Variants in EPB41 observed in about 807,000 individuals in gnomAD.
EPB41 encodes erythrocyte membrane protein band 4.1, also known as protein 4.1.
In EPB41, 65 loss-of-function variants were observed where a neutral mutation model predicts 108.0. That is an observed-to-expected ratio of 0.60 (90% CI 0.49 to 0.74). EPB41 has a LOEUF of 0.74. Ranked by LOEUF, EPB41 falls within the 30% of genes least tolerant of loss-of-function variation. EPB41 has a pLI of 0.00. For missense variants in EPB41, 875 were observed against 1,037.0 expected (o/e 0.84, Z 2.15); for synonymous variants, 336 against 358.9 (o/e 0.94, Z 0.72).
intron 7 of EPB41, among the ~76,000 whole-genome samples, chr1:29,022,073 A>T (rs1304401548): frequency 6.6e-6 from 1 of 152,174 alleles, no homozygotes; most frequent in Middle Eastern, 3.2e-3. Flanking sequence ...GAAAACTTTT[A>T]TATATCCCCA....
chr1:29,019,945 C>CT (rs1302342211), intron 7 of EPB41, among the ~76,000 whole-genome samples: 1 of 152,176 alleles, frequency 6.6e-6, no homozygotes, highest in African/African-American at 2.4e-5. Context: ...TGCACGTTTG[C>CT]TTTTTAAGTT....
intron 1 of EPB41, among the ~76,000 whole-genome samples, chr1:28,907,416 T>C (rs412698): frequency 0.18 from 27,453 of 151,692 alleles, 2,989 homozygotes; most frequent in East Asian, 0.47. Context: ...CAGGCTGGTC[T>C]CAAACTCCTG....
At chr1:29,037,854 G>A (rs754578635) in intron 10 of EPB41, among the ~76,000 whole-genome samples, 2 of 146,324 alleles carry the variant, frequency 1.4e-5, no homozygotes, top group Admixed American at 1.4e-4. Flanking sequence ...TTTTAAGAAC[G>A]TTTCTTTATT....
intron 7 of EPB41, among the ~76,000 whole-genome samples, chr1:29,019,912 G>T (rs1336736084): frequency 2.6e-5 from 4 of 152,022 alleles, no homozygotes; most frequent in Admixed American, 2.6e-4. Flanking sequence ...CTCTCTTGGG[G>T]TCACACTATT....
rs2089567404 is a variant in EPB41 at position 28,887,577 on chromosome 1, G to T, written c.-8+367G>T. On this transcript the variant is annotated intron_variant, in intron 1 of 16. Transcript: ENST00000347529. The surrounding 1 kb of genome is among the most constrained non-coding windows in gnomAD (Gnocchi z 4.9). ...CGGCGCAGCCCCCGGCCGCCCCCTAGCCCCGCCTTGCCCGGCCCCGCATGC... is the reference window on the plus strand; with the variant it reads ...CGGCGCAGCCCCCGGCCGCCCCCTATCCCCGCCTTGCCCGGCCCCGCATGC... 3 of 985,172 alleles carry T rather than the reference G, an allele frequency of 3.0e-6. No individual in the cohort carries two copies. The highest frequency in any genetic ancestry group is 6.1e-5 in the Admixed American group (1 of 16,282). The allele number at this position is 985,172 out of a possible 1,614,324, so 61.0% of individuals were successfully genotyped here. A position where few individuals can be genotyped will look rare whatever the true frequency, so the allele number is the denominator to read the frequency against.
intron 11 of EPB41, among the ~76,000 whole-genome samples, chr1:29,040,981 C>G (rs1214839431): frequency 6.6e-6 from 1 of 151,766 alleles, no homozygotes; most frequent in Non-Finnish European, 1.5e-5. Flanking sequence ...AGTAAAAATA[C>G]AAAAATCAGC....
chr1:28,955,331 G>T (rs1314180223), intron 1 of EPB41, among the ~76,000 whole-genome samples: 1 of 150,850 alleles, frequency 6.6e-6, no homozygotes, highest in Non-Finnish European at 1.5e-5. Context: ...ACAATCTGAT[G>T]ATCTGTTTTT....
rs371082716 is a variant in EPB41 at position 29,053,268 on chromosome 1, G to A, written c.1801G>A (p.Glu601Lys). The change falls in exon 12 of 21, where the codon GAG (glutamate) becomes AAG (lysine). Residue 601 changes from glutamate (E) to lysine (K), a missense_variant. Around this residue, in one of 3 missense-constraint regions of EPB41, gnomAD observed 519 missense variants for 627.3 expected, o/e 0.83. Transcript: ENST00000343067. ...TVKAEVKKED[E>K]PPEQAEPEPT... ...GAAGGCTGAAGTGAAAAAGGAAGAC[G>A]AGCCACCTGAGCAAGCTGAGCCAGA... 3.7e-6 allele frequency: 6 copies of A among 1,614,040 alleles called. No individual in the cohort carries two copies. The highest frequency in any genetic ancestry group is 2.7e-5 in the African/African-American group (2 of 74,914).
chr1:29,069,434 T>G, intron 16 of EPB41: 1 of 1,224,754 alleles, frequency 8.2e-7, no homozygotes, highest in Non-Finnish European at 1.0e-6. Flanking sequence ...TAAACCTTCA[T>G]GATGGTCATT....
chr1:29,074,008 C>T (rs1386566124), intron 16 of EPB41, among the ~76,000 whole-genome samples: 4 of 152,154 alleles, frequency 2.6e-5, no homozygotes, highest in Non-Finnish European at 5.9e-5. Flanking sequence ...GCCTGTAGTA[C>T]TTCCTATAGA....
chr1:29,074,525 C>T (rs777182236), intron 16 of EPB41, among the ~76,000 whole-genome samples: 49 of 152,132 alleles, frequency 3.2e-4, no homozygotes, highest in Admixed American at 9.2e-4. Flanking sequence ...CTTAGTATCT[C>T]CTTTTACTGT....
chr1:29,114,880 G>A (rs1183616270), intron 19 of EPB41, among the ~76,000 whole-genome samples: 1 of 152,036 alleles, frequency 6.6e-6, no homozygotes, highest in Non-Finnish European at 1.5e-5. Flanking sequence ...TTAGGCTAGT[G>A]CATGGCATAT....
chr1:28,975,958 A>AG (rs1277328359), intron 1 of EPB41, among the ~76,000 whole-genome samples: 1,841 of 139,802 alleles, frequency 0.013, 15 homozygotes, highest in Middle Eastern at 0.064. Context: ...AAAAAAAAAA[A>AG]AAAGAAAGAA....
intron 16 of EPB41, chr1:29,070,801 G>A: frequency 1.1e-6 from 1 of 886,212 alleles, no homozygotes. Flanking sequence ...CAAAGGAGTA[G>A]CAATGGACTG....
At chr1:28,995,346 G>A (rs891596892) in intron 3 of EPB41, among the ~76,000 whole-genome samples, 1 of 152,108 alleles carries the variant, frequency 6.6e-6, no homozygotes, top group East Asian at 1.9e-4. Flanking sequence ...GGTGGATCAC[G>A]AGGTCAAGAA....
chr1:28,906,876 C>T (rs1438752485), intron 1 of EPB41, among the ~76,000 whole-genome samples: 2 of 150,980 alleles, frequency 1.3e-5, no homozygotes, highest in South Asian at 2.1e-4. Context: ...CACGGGTTCA[C>T]GCCATTCTCC....
At chr1:28,904,363 C>T (rs2091589383) in intron 1 of EPB41, among the ~76,000 whole-genome samples, 1 of 151,980 alleles carries the variant, frequency 6.6e-6, no homozygotes, top group Admixed American at 6.6e-5. Flanking sequence ...GTTGAGGATT[C>T]TTTCTGGTTG....
chr1:28,939,623 A>C (rs1230534120), intron 1 of EPB41, among the ~76,000 whole-genome samples: 1 of 151,888 alleles, frequency 6.6e-6, no homozygotes, highest in Admixed American at 6.6e-5. Context: ...TTGTATTTTT[A>C]GTAGAGACGG....
rs1640650557 is a variant in EPB41 at position 29,039,364 on chromosome 1, A to T, written c.1574A>T (p.Asp525Val). ...AQTRQASALIDRPAPHFERTA... is the reference protein window; with the variant it reads ...AQTRQASALIVRPAPHFERTA... ...ACCAGGCAAGCTAGTGCTCTAATTG[A>T]CAGGCCTGCCCCACACTTCGAGCGT... Residue 525 changes from aspartate (D) to valine (V), a missense_variant, in exon 11 of 21, where the codon GAC becomes GTC. Asp to Val is a radical substitution (Grantham distance 152). Coordinates refer to ENST00000343067, the MANE Select transcript of EPB41 (RefSeq NM_001376013.1). The T allele has an allele frequency of 6.2e-7, 1 of 1,614,028 alleles. No homozygotes were observed. The highest frequency in any genetic ancestry group is 8.5e-7 in the Non-Finnish European group (1 of 1,180,038).
Sources: gnomAD v4.1 joint callset for allele counts (sites outside exome capture counted in the v4.1 genomes callset) on GRCh38, gnomAD v4.1.1 for gene constraint, gnomAD v4.1.1 regional missense constraint, Gnocchi (gnomAD v3.1) non-coding constraint, MANE v1.5 for transcripts, NCBI Gene and HGNC (gene_info 2026-07-23, HGNC 2026-07-21) for gene names.